The following CSMD3 variants were observed in gnomAD, a reference collection of about 807,000 sequenced individuals.
The protein encoded by CSMD3 is CUB and sushi domain-containing protein 3.
In CSMD3, 177 loss-of-function variants were observed where a neutral mutation model predicts 435.2. The ratio of observed to expected loss-of-function variants is 0.41; its 90% CI spans 0.36 to 0.46. CSMD3 has a LOEUF of 0.46. Among genes scored for constraint, CSMD3 ranks in the 20% least tolerant of loss-of-function variants. The pLI is 0.34. For synonymous variants in CSMD3, 1,656 were observed against 1,520.5 expected (o/e 1.09, Z -2.07); for missense variants, 4,265 against 4,504.6 (o/e 0.95, Z 1.52).
chr8:113,369,933 G>C (rs2094336717), intron 1 of CSMD3, among the ~76,000 whole-genome samples: 1 of 151,680 alleles, frequency 6.6e-6, no homozygotes, highest in African/African-American at 2.4e-5. Context: ...GGGAGATGTT[G>C]GTAAAAGGAT....
intron 3 of CSMD3, among the ~76,000 whole-genome samples, chr8:113,196,626 G>C (rs2092658840): frequency 6.6e-6 from 1 of 151,192 alleles, no homozygotes; most frequent in African/African-American, 2.4e-5. Context: ...AATTGGAACA[G>C]AGAGCAGGAG....
intron 6 of CSMD3, among the ~76,000 whole-genome samples, chr8:113,016,126 T>C (rs1057488493): frequency 6.6e-6 from 1 of 151,790 alleles, no homozygotes; most frequent in East Asian, 1.9e-4. Flanking sequence ...AAGTAAGAGA[T>C]TTCTATTATA....
chr8:112,795,350 A>G (rs1458070291), intron 13 of CSMD3, among the ~76,000 whole-genome samples: 2 of 152,190 alleles, frequency 1.3e-5, no homozygotes, highest in African/African-American at 4.8e-5. Flanking sequence ...GTTAAAGGAG[A>G]GACATAATTA....
At position 113,031,788 on chromosome 8, in the gene CSMD3, T is replaced by C. The variant is rs185216887; in HGVS notation, c.918-12609A>G. Among the ~76,000 whole-genome samples, 73 of 151,728 alleles carry C rather than the reference T, an allele frequency of 4.8e-4. 3 individuals carry two copies. Among genetic ancestry groups the C allele is most frequent in the Non-Finnish European group, 6.8e-4 (46 of 67,786 alleles). Reference sequence around the variant, plus strand: ...GGGTGAACAATATATGGGGTTCATATGGTTTGGCTTTGTGTCCCCACCCAA... The same window carrying C: ...GGGTGAACAATATATGGGGTTCATACGGTTTGGCTTTGTGTCCCCACCCAA... On this transcript the variant is annotated intron_variant, in intron 5 of 70. Coordinates refer to ENST00000297405, the MANE Select transcript of CSMD3 (RefSeq NM_198123.2).
intron 63 of CSMD3, among the ~76,000 whole-genome samples, chr8:112,250,211 T>C (rs1815140969): frequency 6.6e-6 from 1 of 151,978 alleles, no homozygotes; most frequent in Non-Finnish European, 1.5e-5. Flanking sequence ...TGTTTTTACT[T>C]GTAAGACATT....
intron 11 of CSMD3, among the ~76,000 whole-genome samples, chr8:112,857,672 G>A (rs1329575636): frequency 6.6e-6 from 1 of 151,632 alleles, no homozygotes; most frequent in African/African-American, 2.4e-5. Context: ...TCTTTGACAA[G>A]TTATTTATAG....
chr8:112,410,616 GTA>G (rs200328572), intron 32 of CSMD3, among the ~76,000 whole-genome samples: 3 of 67,590 alleles, frequency 4.4e-5, no homozygotes, highest in South Asian at 5.0e-4. Context: ...ATATATATAT[GTA>G]TATATATGTG....
chr8:112,822,605 T>C (rs2079558066), intron 12 of CSMD3, among the ~76,000 whole-genome samples: 1 of 152,100 alleles, frequency 6.6e-6, no homozygotes, highest in Non-Finnish European at 1.5e-5. Context: ...CAGAGACAAT[T>C]TGACTTACTC....
At chr8:112,808,798 G>T (rs1003828388) in intron 12 of CSMD3, among the ~76,000 whole-genome samples, 1 of 151,570 alleles carries the variant, frequency 6.6e-6, no homozygotes, top group Non-Finnish European at 1.5e-5. Context: ...CTTCTTCGAG[G>T]CCAAGAGAAT....
At position 112,418,881 on chromosome 8, in the gene CSMD3, G is replaced by T. The variant is rs1032791564; in HGVS notation, c.5396-9849C>A. Among the ~76,000 whole-genome samples, 6 of 152,124 alleles carry T rather than the reference G, an allele frequency of 3.9e-5. 1 individual carries two copies. Among genetic ancestry groups the T allele is most frequent in the Admixed American group, 2.6e-4 (4 of 15,268 alleles). The stretch of plus-strand genomic sequence containing the variant: ...ATTTCACACCCAATGTCATGTGACG[G>T]TCACAAATATTATTTAAAATATTGT... On this transcript the variant is annotated intron_variant, in intron 32 of 70. Coordinates refer to ENST00000297405, the MANE Select transcript of CSMD3 (RefSeq NM_198123.2).
At chr8:112,778,761 A>G (rs761386553) in intron 13 of CSMD3, among the ~76,000 whole-genome samples, 3 of 151,946 alleles carry the variant, frequency 2.0e-5, no homozygotes, top group Non-Finnish European at 2.9e-5. Flanking sequence ...CTACCAAACT[A>G]TCTCTCAAAA....
intron 4 of CSMD3, among the ~76,000 whole-genome samples, chr8:113,106,197 C>G (rs986256461): frequency 4.6e-5 from 7 of 151,414 alleles, no homozygotes; most frequent in African/African-American, 1.7e-4. Flanking sequence ...CACAGCAAAG[C>G]CTAAAATATT....
intron 2 of CSMD3, among the ~76,000 whole-genome samples, chr8:113,305,318 T>C (rs542094719): frequency 1.3e-3 from 193 of 152,036 alleles, no homozygotes; most frequent in Admixed American, 3.5e-3. Context: ...AAATAAATTT[T>C]TAAAAAAAGA....
chr8:113,178,452 G>C (rs1234751103), intron 3 of CSMD3, among the ~76,000 whole-genome samples: 2 of 151,886 alleles, frequency 1.3e-5, no homozygotes, highest in African/African-American at 4.8e-5. Context: ...ATATAGTCTA[G>C]CAAAAGGTAG....
chr8:113,006,103 T>C (rs1469057792), intron 6 of CSMD3, among the ~76,000 whole-genome samples: 1 of 152,044 alleles, frequency 6.6e-6, no homozygotes, highest in African/African-American at 2.4e-5. Flanking sequence ...TGAACTTTCC[T>C]GCAAAACAAC....
At chr8:113,303,511 A>G (rs2093791595) in intron 2 of CSMD3, among the ~76,000 whole-genome samples, 1 of 151,466 alleles carries the variant, frequency 6.6e-6, no homozygotes, top group Non-Finnish European at 1.5e-5. Context: ...ACTTCAAACT[A>G]TACTACAAGG....
At chr8:113,115,377 A>G (rs1458830915) in intron 4 of CSMD3, among the ~76,000 whole-genome samples, 1 of 152,224 alleles carries the variant, frequency 6.6e-6, no homozygotes, top group African/African-American at 2.4e-5. Flanking sequence ...CAAAATGAGC[A>G]CAGCTTTGTT....
chr8:113,000,233 A>T (rs1039592284), intron 6 of CSMD3, among the ~76,000 whole-genome samples: 1 of 152,098 alleles, frequency 6.6e-6, no homozygotes, highest in Non-Finnish European at 1.5e-5. Flanking sequence ...TAAATAATAC[A>T]TGAACTGAGA....
chr8:112,441,509 C>A (rs1290767914), intron 32 of CSMD3, among the ~76,000 whole-genome samples: 1 of 152,160 alleles, frequency 6.6e-6, no homozygotes, highest in East Asian at 1.9e-4. Context: ...TTTTGGATGT[C>A]TTTCCAGCAG....
Sources: gnomAD v4.1 joint callset for allele counts (sites outside exome capture counted in the v4.1 genomes callset) on GRCh38, gnomAD v4.1.1 for gene constraint, MANE v1.5 for transcripts, NCBI Gene and HGNC (gene_info 2026-07-23, HGNC 2026-07-21) for gene names.